CCDC183: variants seen among roughly 807,000 people sequenced by gnomAD.
CCDC183 encodes the protein coiled-coil domain containing 183, also known as coiled-coil domain-containing protein 183.
CCDC183 carries 63 observed loss-of-function variants against 65.2 expected under a neutral mutation model. The ratio of observed to expected loss-of-function variants is 0.97; its 90% confidence interval spans 0.79 to 1.19. The LOEUF is 1.19. CCDC183 is among the 50% of genes most tolerant of loss of function. CCDC183 has a pLI of 0.00. For missense variants in CCDC183, 769 were observed against 689.3 expected (o/e 1.12, Z -1.30); for synonymous variants, 323 against 276.5 (o/e 1.17, Z -1.67).
rs1847844337 is a variant in CCDC183, at chr9:136,806,172, C to A, written c.1043C>A (p.Ala348Asp). 6.4e-7 allele frequency: 1 copy of A among 1,555,134 alleles called. No homozygotes were observed. Among genetic ancestry groups the A allele is most frequent in the South Asian group, 1.2e-5 (1 of 84,276 alleles). ...GAGGAGTGGCGGGTGCAGCTGAAGGCCCTGGTGAAGCAGCTGGAGCTGGAG... is the reference window on the plus strand; with the variant it reads ...GAGGAGTGGCGGGTGCAGCTGAAGGACCTGGTGAAGCAGCTGGAGCTGGAG... ...DCEEWRVQLK[A>D]LVKQLELEEA... Residue 348 changes from alanine (A) to aspartate (D), a missense_variant, in exon 10 of 14, where the codon GCC becomes GAC. Ala to Asp is a moderately radical substitution (Grantham distance 126, BLOSUM62 -2). Transcript: ENST00000338005.
At chr9:136,796,523 C>A in intron 1 of CCDC183, 56 bp downstream of exon 1, 1 of 1,260,132 alleles carries the variant, frequency 7.9e-7, no homozygotes, top group Non-Finnish European at 1.1e-6. Flanking sequence ...TTTCTGGGTG[C>A]ACAACTTTTT....
chr9:136,799,448 G>T, intron 2 of CCDC183: 1 of 796,998 alleles, frequency 1.3e-6, no homozygotes, highest in South Asian at 1.9e-5. Context: ...GCATCTGTGA[G>T]CCCACATCCT....
rs1847871099 is a variant in CCDC183 at position 136,807,051 on chromosome 9, G to A, written c.1471G>A (p.Glu491Lys). Residue 491 changes from glutamate (E) to lysine (K), a missense_variant, in exon 13 of 14, where the codon GAG (glutamate) becomes AAG (lysine). Transcript: ENST00000338005. ...CACCAGGATCAGCTTTGAGAACCGGGAGGAGGATATGATCGGTACAGGCCC... is the reference window on the plus strand; with the variant it reads ...CACCAGGATCAGCTTTGAGAACCGGAAGGAGGATATGATCGGTACAGGCCC... Reference protein sequence around the residue: ...YNTRISFENREEDMIDTFQFP... With the variant: ...YNTRISFENRKEDMIDTFQFP... 3.1e-6 allele frequency: 5 copies of A among 1,613,170 alleles called. No individual in the cohort carries two copies. The highest frequency in any genetic ancestry group is 3.3e-5 in the Admixed American group (2 of 60,008).
intron 5 of CCDC183, among the ~76,000 whole-genome samples, chr9:136,801,455 C>T (rs529528156): frequency 1.6e-4 from 24 of 152,218 alleles, no homozygotes; most frequent in Non-Finnish European, 3.4e-4. Flanking sequence ...CCTGTAATCC[C>T]AGCACTTTGG....
chr9:136,807,232 C>T, intron 13 of CCDC183, 166 bp downstream of exon 13: 1 of 669,020 alleles, frequency 1.5e-6, no homozygotes. Context: ...CTTAGTGATG[C>T]CATGGGGAGG....
chr9:136,801,786 TTTTG>T lies in CCDC183; in HGVS notation c.544-870_544-867del, dbSNP rs532873353. 4.2e-3 allele frequency among the ~76,000 whole-genome samples: 639 copies of T among 152,262 alleles called. 9 individuals carry two copies. The highest frequency in any genetic ancestry group is 0.015 in the African/African-American group (622 of 41,548). The stretch of plus-strand genomic sequence containing the variant: ...GAAGATTCTACACTTCTAGTTTTGT[TTTTG>T]TTTGTTTTGTTTTTTGAGATGGAGT... On this transcript the variant is annotated intron_variant, in intron 5 of 13. Coordinates refer to ENST00000338005, the MANE Select transcript of CCDC183 (RefSeq NM_001039374.5).
Position 136,800,132 on chromosome 9 carries a change from A to G in CCDC183, c.401A>G (p.Gln134Arg). 2 of 1,432,810 alleles carry G rather than the reference A, an allele frequency of 1.4e-6. No individual in the cohort carries two copies. The highest frequency in any genetic ancestry group is 1.9e-6 in the Non-Finnish European group (2 of 1,079,160). The allele number at this position is 1,432,810 out of a possible 1,614,324, so 88.8% of individuals were successfully genotyped here. The change falls in exon 4 of 14, where the codon CAG (glutamine) becomes CGG (arginine). Residue 134 changes from glutamine (Q) to arginine (R), a missense_variant. By Grantham distance (43) the Gln-to-Arg change is conservative (BLOSUM62 1). Transcript: ENST00000338005. ...CTGGAGCTGGACAGCCTGCGGAGCC[A>G]GCCCGACGCCAGCAAGGAGGAGCTG... ...MQLELDSLRS[Q>R]PDASKEELRL... is the part of the protein sequence containing the mutation.
intron 5 of CCDC183, among the ~76,000 whole-genome samples, chr9:136,801,881 G>C (rs574940379): frequency 2.1e-4 from 32 of 151,206 alleles, no homozygotes; most frequent in Non-Finnish European, 4.0e-4. Flanking sequence ...TCCGCCTCCC[G>C]GGTTCAAGCG....
intron 13 of CCDC183, chr9:136,807,321 C>A: frequency 1.5e-6 from 1 of 648,298 alleles, no homozygotes; most frequent in East Asian, 2.7e-5. Context: ...AGGAGAGGCA[C>A]CAGGGCTGGA....
intron 5 of CCDC183, 151 bp downstream of exon 5, chr9:136,800,644 GT>G (rs982291432): frequency 4.9e-6 from 3 of 612,232 alleles, no homozygotes; most frequent in African/African-American, 3.7e-5. Flanking sequence ...TGTGGAAAAC[GT>G]TTTTTTAAAC....
chr9:136,805,258 GC>G, intron 8 of CCDC183, 98 bp from the exon 9 acceptor site: 1 of 973,920 alleles, frequency 1.0e-6, no homozygotes, highest in Non-Finnish European at 1.5e-6. Flanking sequence ...TTGGGTGGCC[GC>G]CCCAGCAGCT....
rs767800978 is a variant in CCDC183, at chr9:136,802,778, G to A, written c.658G>A (p.Glu220Lys). 6.2e-7 allele frequency: 1 copy of A among 1,610,500 alleles called. No homozygotes were observed. The highest frequency in any genetic ancestry group is 1.7e-5 in the Admixed American group (1 of 59,710). Residue 220 changes from glutamate (E) to lysine (K), a missense_variant, in exon 6 of 14, where the codon GAG becomes AAG. Physicochemically the swap from Glu to Lys is moderately conservative, Grantham distance 56 (BLOSUM62 1). Transcript: ENST00000338005. ...CCAAGATGCCATGATGATCACGGATGAGGTCAAGGTGAGCTCAGGGCCCAG... is the reference window on the plus strand; with the variant it reads ...CCAAGATGCCATGATGATCACGGATAAGGTCAAGGTGAGCTCAGGGCCCAG... ...MSQDAMMITD[E>K]VKRNMRQREA...
chr9:136,798,560 G>A (rs1847687328), intron 1 of CCDC183, among the ~76,000 whole-genome samples: 1 of 152,324 alleles, frequency 6.6e-6, no homozygotes, highest in South Asian at 2.1e-4. Context: ...GCCTCCCAAA[G>A]TGCTGGGATT....
chr9:136,800,381 C>A lies in CCDC183; in HGVS notation c.439-8C>A. The stretch of plus-strand genomic sequence containing the variant: ...ACGCCCTCTCACTGCGCCCTCGGTC[C>A]GCCCCAGATCATCCGCCAGCTGGAG... On this transcript the variant is annotated splice_polypyrimidine_tract_variant and splice_region_variant and intron_variant, in intron 4 of 13. Transcript: ENST00000338005. 1 of 1,604,656 alleles carries A rather than the reference C, an allele frequency of 6.2e-7. No homozygotes were observed. The highest frequency in any genetic ancestry group is 8.5e-7 in the Non-Finnish European group (1 of 1,175,150).
chr9:136,799,615 G>A (rs1424884840), intron 2 of CCDC183, 98 bp from the exon 3 acceptor site: 8 of 1,033,786 alleles, frequency 7.7e-6, no homozygotes, highest in Non-Finnish European at 1.2e-5. Context: ...TACTGGGCTA[G>A]CGTGGGATAC....
intron 6 of CCDC183, among the ~76,000 whole-genome samples, chr9:136,803,092 G>A (rs867889968): frequency 2.2e-4 from 12 of 55,310 alleles, no homozygotes; most frequent in Admixed American, 2.8e-4. Flanking sequence ...GGGCCCCCCA[G>A]GGCCAGCCCT....
intron 4 of CCDC183, 29 bp from the exon 5 acceptor site, chr9:136,800,360 C>G (rs1477429541): frequency 6.3e-7 from 1 of 1,580,788 alleles, no homozygotes; most frequent in Admixed American, 1.7e-5. Flanking sequence ...GTCCCCACGC[C>G]CTCTCACTGC....
intron 2 of CCDC183, 147 bp downstream of exon 2, chr9:136,799,370 T>C: frequency 7.8e-7 from 1 of 1,281,966 alleles, no homozygotes; most frequent in Non-Finnish European, 1.0e-6. Context: ...TGCTAGGACC[T>C]GTGCCCTGGG....
chr9:136,805,112 C>G, intron 8 of CCDC183: 1 of 593,278 alleles, frequency 1.7e-6, no homozygotes. Context: ...CCACCGGGCC[C>G]ACAGTGCTCA....
Sources: allele counts gnomAD v4.1 joint callset (sites outside exome capture counted in the v4.1 genomes callset), GRCh38; gene constraint gnomAD v4.1.1; transcripts MANE v1.5; gene names NCBI Gene and HGNC (gene_info 2026-07-23, HGNC 2026-07-21).